RHEX: variants seen among roughly 807,000 people sequenced by gnomAD.
RHEX encodes the protein regulator of hemoglobinization and erythroid cell expansion, also known as regulator of hemoglobinization and erythroid cell expansion protein.
A neutral mutation model predicts 20.1 loss-of-function variants in RHEX; 18 were observed. The ratio of observed to expected loss-of-function variants is 0.90; its 90% CI spans 0.62 to 1.33. The LOEUF is 1.33. Among genes scored for constraint, RHEX ranks in the 40% most tolerant of loss-of-function variants. The pLI, the probability that RHEX is intolerant of heterozygous loss-of-function variation, is 0.00. For missense variants in RHEX, 192 were observed against 214.3 expected (o/e 0.90, Z 0.65); for synonymous variants, 87 against 77.1 (o/e 1.13, Z -0.67).
At chr1:206,097,563 G>T (rs186485610) in intron 1 of RHEX, 170 bp from the exon 2 acceptor site, 1 of 551,440 alleles carries the variant, frequency 1.8e-6, no homozygotes, top group East Asian at 3.1e-5. Context: ...ACTCATCAAG[G>T]TTCTTTAGGA....
Position 206,097,741 on chromosome 1 carries a change from C to A in RHEX, c.-88C>A. ...CTCCTTACCTCTTGCAGATCTCCAG[C>A]ACCCTGCCGGTGGCACTACTGAGAG... is the stretch of plus-strand genomic sequence containing the variant. On this transcript the variant is annotated 5_prime_UTR_variant, in exon 2 of 6. Transcript: ENST00000331555. The A allele has an allele frequency of 6.2e-7, 1 of 1,612,542 alleles. No individual in the cohort carries two copies. The highest frequency in any genetic ancestry group is 8.5e-7 in the Non-Finnish European group (1 of 1,178,740).
At chr1:206,085,168 G>T (rs1357377720) in intron 1 of RHEX, among the ~76,000 whole-genome samples, 3 of 152,172 alleles carry the variant, frequency 2.0e-5, no homozygotes, top group African/African-American at 7.2e-5. Flanking sequence ...GAGACATTAA[G>T]TGGCTCCCCC....
chr1:206,065,071 G>A (rs1662397349), intron 1 of RHEX, among the ~76,000 whole-genome samples: 1 of 152,104 alleles, frequency 6.6e-6, no homozygotes, highest in Non-Finnish European at 1.5e-5. Context: ...ACAGATGCTT[G>A]AAGGCAGCAT....
chr1:206,061,730 CTT>C (rs1662314226), intron 1 of RHEX: 1 of 152,354 alleles, frequency 6.6e-6, no homozygotes, highest in African/African-American at 2.4e-5. Context: ...AGGAGGACGA[CTT>C]TGCTGTCTAC....
At chr1:206,098,590 T>C in intron 3 of RHEX, 1 of 169,742 alleles carries the variant, frequency 5.9e-6, no homozygotes, top group Non-Finnish European at 1.3e-5. Flanking sequence ...TTAGTTTAAA[T>C]TCTTGAACTG....
chr1:206,058,158 G>A (rs1662233298), intron 1 of RHEX, among the ~76,000 whole-genome samples: 1 of 152,258 alleles, frequency 6.6e-6, no homozygotes, highest in Non-Finnish European at 1.5e-5. Context: ...TGGGAGCCAT[G>A]TTTGGAAATT....
At chr1:206,081,453 GA>G (rs781887536) in intron 1 of RHEX, among the ~76,000 whole-genome samples, 2 of 152,154 alleles carry the variant, frequency 1.3e-5, no homozygotes, top group Non-Finnish European at 1.5e-5. Context: ...TGAGATATAA[GA>G]AAAATGTAGT....
chr1:206,081,957 G>T (rs782734010), intron 1 of RHEX, among the ~76,000 whole-genome samples: 4 of 152,216 alleles, frequency 2.6e-5, no homozygotes, highest in African/African-American at 7.2e-5. Context: ...GGAGCAGAGC[G>T]AAGTGTGTAT....
chr1:206,095,731 G>A (rs1663052454), intron 1 of RHEX, among the ~76,000 whole-genome samples: 1 of 152,110 alleles, frequency 6.6e-6, no homozygotes, highest in African/African-American at 2.4e-5. Flanking sequence ...CAGGAGAATC[G>A]CTTGAACCTG....
chr1:206,075,252 G>C (rs564924145), intron 1 of RHEX, among the ~76,000 whole-genome samples: 1 of 152,200 alleles, frequency 6.6e-6, no homozygotes, highest in Non-Finnish European at 1.5e-5. Context: ...AGGATAAACT[G>C]TTGGAGTCCT....
intron 1 of RHEX, among the ~76,000 whole-genome samples, chr1:206,059,527 A>T (rs1571850486): frequency 6.6e-6 from 1 of 152,144 alleles, no homozygotes; most frequent in Non-Finnish European, 1.5e-5. Context: ...TCCCCAAGAC[A>T]TGTGGCCTGA....
intron 1 of RHEX, among the ~76,000 whole-genome samples, chr1:206,062,544 T>C (rs1662327200): frequency 6.6e-6 from 1 of 152,224 alleles, no homozygotes; most frequent in Non-Finnish European, 1.5e-5. Flanking sequence ...TTAGGAGTCA[T>C]GCTTGTATCT....
chr1:206,086,173 T>G (rs1553286396), intron 1 of RHEX, among the ~76,000 whole-genome samples: 1 of 152,094 alleles, frequency 6.6e-6, no homozygotes. Context: ...GACCCCATGG[T>G]TTCGTACACT....
In RHEX at chr1:206,078,579, A is replaced by G. The variant is rs957157692; in HGVS notation, c.-96-19154A>G. ...CTGTTTCCAAAAAAATAAAAAATAAAATAAAGTTATATAACAAAGCCTGAT... is the reference window on the plus strand; with the variant it reads ...CTGTTTCCAAAAAAATAAAAAATAAGATAAAGTTATATAACAAAGCCTGAT... On this transcript the variant is annotated intron_variant, in intron 1 of 5. Transcript: ENST00000331555. 7.2e-5 allele frequency among the ~76,000 whole-genome samples: 11 copies of G among 152,080 alleles called. 1 individual carries two copies. Among genetic ancestry groups the G allele is most frequent in the African/African-American group, 2.7e-4 (11 of 41,406 alleles).
At chr1:206,071,137 A>C (rs1427080414) in intron 1 of RHEX, among the ~76,000 whole-genome samples, 1 of 152,198 alleles carries the variant, frequency 6.6e-6, no homozygotes, top group Admixed American at 6.5e-5. Flanking sequence ...TGCAGCCTTC[A>C]GTCTGTGGTT....
intron 1 of RHEX, among the ~76,000 whole-genome samples, chr1:206,092,678 C>T (rs1235413387): frequency 6.6e-6 from 1 of 151,928 alleles, no homozygotes; most frequent in Non-Finnish European, 1.5e-5. Flanking sequence ...TTTTTAAAAC[C>T]TCTTCTTTTT....
At chr1:206,065,989 A>G (rs559639923) in intron 1 of RHEX, among the ~76,000 whole-genome samples, 4 of 152,376 alleles carry the variant, frequency 2.6e-5, no homozygotes, top group South Asian at 4.1e-4. Context: ...TTAGACTGCC[A>G]TGACACACAG....
intron 1 of RHEX, among the ~76,000 whole-genome samples, chr1:206,055,925 C>A (rs1212114394): frequency 6.6e-6 from 1 of 152,268 alleles, no homozygotes; most frequent in Admixed American, 6.5e-5. Flanking sequence ...GTAGCAATAG[C>A]CCTGTTAGCA....
chr1:206,059,641 A>G (rs2102304566), intron 1 of RHEX, among the ~76,000 whole-genome samples: 1 of 152,220 alleles, frequency 6.6e-6, no homozygotes, highest in East Asian at 1.9e-4. Context: ...TTTGGAGTCA[A>G]AATGCCTGAC....
Sources: allele counts gnomAD v4.1 joint callset (sites outside exome capture counted in the v4.1 genomes callset), GRCh38; gene constraint gnomAD v4.1.1; transcripts MANE v1.5; gene names NCBI Gene and HGNC (gene_info 2026-07-23, HGNC 2026-07-21).